Variants in MYO7B observed in about 807,000 individuals in gnomAD.
The protein encoded by MYO7B is unconventional myosin-VIIb.
A neutral mutation model predicts 259.7 loss-of-function variants in MYO7B; 212 were observed. The observed-to-expected ratio is 0.82, with a 90% CI of 0.73 to 0.91. The LOEUF is 0.91. Among genes scored for constraint, MYO7B ranks in the 40% least tolerant of loss-of-function variants. The pLI is 0.00. For missense variants in MYO7B, 2,732 were observed against 2,813.5 expected (o/e 0.97, Z 0.66); for synonymous variants, 1,197 against 1,166.4 (o/e 1.03, Z -0.54).
intron 19 of MYO7B, 41 bp downstream of exon 19, chr2:127,596,597 C>A: frequency 1.3e-6 from 2 of 1,500,196 alleles, no homozygotes; most frequent in Non-Finnish European, 1.8e-6. Context: ...CTACTCCTGC[C>A]CACAGTGTCC....
chr2:127,617,487 G>GTTTTTTTTTTTTT (rs35542480), intron 26 of MYO7B, among the ~76,000 whole-genome samples: 4 of 84,824 alleles, frequency 4.7e-5, no homozygotes, highest in African/African-American at 1.6e-4. Context: ...TTGTAACGGG[G>GTTTTTTTTTTTTT]TTTTTTTTTT....
intron 14 of MYO7B, among the ~76,000 whole-genome samples, chr2:127,587,573 T>C (rs1213677885): frequency 7.4e-5 from 11 of 148,866 alleles, no homozygotes; most frequent in East Asian, 3.9e-4. Context: ...TCTTTCTTTT[T>C]TTTTTTTTTT....
chr2:127,562,054 T>G (rs1478847492), intron 2 of MYO7B, among the ~76,000 whole-genome samples: 1 of 152,114 alleles, frequency 6.6e-6, no homozygotes, highest in Non-Finnish European at 1.5e-5. Flanking sequence ...TGCATGCATC[T>G]CACTCTGGTG....
At chr2:127,631,781 C>T (rs1413354454) in intron 38 of MYO7B, 28 bp downstream of exon 38, 7 of 1,605,734 alleles carry the variant, frequency 4.4e-6, no homozygotes, top group African/African-American at 4.0e-5. Context: ...CCAGCCCACG[C>T]GGGCACCCTC....
At chr2:127,540,797 G>A (rs1692975268) in intron 1 of MYO7B, among the ~76,000 whole-genome samples, 1 of 152,164 alleles carries the variant, frequency 6.6e-6, no homozygotes, top group African/African-American at 2.4e-5. Context: ...CTAAAATGAG[G>A]GAGGGTTTTT....
intron 19 of MYO7B, among the ~76,000 whole-genome samples, chr2:127,603,943 C>A (rs1680061827): frequency 6.7e-6 from 1 of 149,568 alleles, no homozygotes; most frequent in Non-Finnish European, 1.5e-5. Context: ...ACCAGCCTGG[C>A]CAATATGGTG....
chr2:127,566,814 T>A lies in MYO7B; in HGVS notation c.457T>A (p.Cys153Ser). The change falls in exon 5 of 48, where the codon TGC becomes AGC. Residue 153 changes from cysteine to serine, a missense_variant. Coordinates refer to ENST00000409816, the MANE Select transcript of MYO7B (RefSeq NM_001393586.1). ...CATGAAGAGGAACAAGAGGGACCAG[T>A]GCTGCATCATCAGGTGAGGCAGAGG... ...FSMKRNKRDQ[C>S]CIISGESGAG... 1.2e-6 allele frequency: 2 copies of A among 1,610,112 alleles called. No individual in the cohort carries two copies. Among genetic ancestry groups the A allele is most frequent in the Non-Finnish European group, 1.7e-6 (2 of 1,179,558 alleles).
intron 26 of MYO7B, among the ~76,000 whole-genome samples, chr2:127,619,712 A>AG (rs1217992530): frequency 1.3e-5 from 2 of 152,110 alleles, no homozygotes; most frequent in African/African-American, 2.4e-5. Context: ...ACTGAGTATT[A>AG]GGGGAAAGAT....
At chr2:127,616,910 T>C (rs1183636775) in intron 26 of MYO7B, among the ~76,000 whole-genome samples, 2 of 152,228 alleles carry the variant, frequency 1.3e-5, no homozygotes, top group Non-Finnish European at 2.9e-5. Context: ...CTTGGTGTTT[T>C]TCTGTTGGGA....
chr2:127,620,960 G>A (rs1437620195), intron 27 of MYO7B, among the ~76,000 whole-genome samples: 1 of 152,182 alleles, frequency 6.6e-6, no homozygotes, highest in African/African-American at 2.4e-5. Flanking sequence ...CAAAATAAAA[G>A]TCACCCCCAC....
rs375686505 is a variant in MYO7B at position 127,565,292 on chromosome 2, C to T, written c.192C>T (p.Val64=). The change falls in exon 4 of 48, where the codon GTC becomes GTT. Residue 64 remains valine, a synonymous_variant. Coordinates refer to ENST00000409816, the MANE Select transcript of MYO7B (RefSeq NM_001393586.1). ...TCAGTCCCATGCACCCCAACTCAGT[C>T]CAGGGTGTGGACGACATGATCCGCC... ...GVLSPMHPNS[V]QGVDDMIRLG... 124 of 1,613,908 alleles carry T rather than the reference C, an allele frequency of 7.7e-5. No individual in the cohort carries two copies. In the African/African-American group the frequency reaches 1.4e-3, roughly 18 times the overall value.
rs770674523 is a variant in MYO7B, at chr2:127,581,970, A to ACATT, written c.1161_1164dup (p.Ala389HisfsTer6). 2.5e-6 allele frequency: 4 copies of ACATT among 1,613,944 alleles called. No homozygotes were observed. The Admixed American group carries it at 6.7e-5, about 27-fold the overall frequency. On this transcript the variant is annotated frameshift_variant, in exon 11 of 48. Transcript: ENST00000409816. LOFTEE classifies it high-confidence loss of function. The stretch of plus-strand genomic sequence containing the variant: ...GGGGAATTTGTCACCAGGTCCCTGA[A>ACATT]CATTGCCCAGGCTGCTGACCGGAGG...
chr2:127,559,554 C>T lies in MYO7B; in HGVS notation c.-23-146C>T. 1 of 699,896 alleles carries T rather than the reference C, an allele frequency of 1.4e-6. No individual in the cohort carries two copies. The allele number at this position is 699,896 out of a possible 1,614,324, so 43.4% of individuals were successfully genotyped here. A position where few individuals can be genotyped will look rare whatever the true frequency, so the allele number is the denominator to read the frequency against. On this transcript the variant is annotated intron_variant, in intron 1 of 47. Transcript: ENST00000409816. The surrounding 1 kb of genome is among the most constrained non-coding windows in gnomAD (Gnocchi z 4.1). ...ACTTGGGCTAGGACTGTGACTCATTCATCCATTTATTCAGCATTGTTTTTG... is the reference window on the plus strand; with the variant it reads ...ACTTGGGCTAGGACTGTGACTCATTTATCCATTTATTCAGCATTGTTTTTG...
At position 127,630,768 on chromosome 2, in the gene MYO7B, C is replaced by G. The variant is rs768426579; in HGVS notation, c.4807-10C>G. 2 of 1,612,352 alleles carry G rather than the reference C, an allele frequency of 1.2e-6. No homozygotes were observed. The highest frequency in any genetic ancestry group is 1.1e-5 in the South Asian group (1 of 91,018). On this transcript the variant is annotated splice_polypyrimidine_tract_variant and intron_variant, in intron 35 of 47. Transcript: ENST00000409816. ...GCTCCTGGGCACCCACAGGCCTGTG[C>G]CCCCTTCAGAGCTTGCTTGCCATGT... is the stretch of plus-strand genomic sequence containing the variant.
chr2:127,634,777 C>T (rs1681709780), intron 42 of MYO7B, 94 bp downstream of exon 42: 24 of 1,188,168 alleles, frequency 2.0e-5, no homozygotes, highest in African/African-American at 4.6e-5. Context: ...ATTCATCCAT[C>T]CATTCGTTCC....
intron 2 of MYO7B, among the ~76,000 whole-genome samples, chr2:127,560,876 CCCCT>C (rs1438879980): frequency 1.3e-5 from 2 of 152,166 alleles, no homozygotes; most frequent in Non-Finnish European, 2.9e-5. Flanking sequence ...TACGCAGCGG[CCCCT>C]GGTGCTGCCA....
chr2:127,579,119 A>C (rs145487708), intron 9 of MYO7B, among the ~76,000 whole-genome samples: 7 of 152,278 alleles, frequency 4.6e-5, no homozygotes, highest in African/African-American at 1.4e-4. Context: ...TGAGTACAGC[A>C]TGGAGAGAGG....
rs190248791 is a variant in MYO7B, at chr2:127,609,855, C to T, written c.3031C>T (p.Leu1011=). 186 of 1,613,472 alleles carry T rather than the reference C, an allele frequency of 1.2e-4. No homozygotes were observed. The African/African-American group carries it at 2.2e-3, about 19-fold the overall frequency. ...TTCTGTCTTGTTTCCCCAGGCCGCC[C>T]TGGTCATATGGAACGTCATCCTGAG... ...HEDDTDCLAA[L]VIWNVILRFM... Residue 1011 remains leucine, a synonymous_variant, in exon 24 of 48, where the codon CTG becomes TTG. Transcript: ENST00000409816. This position sits in a 1 kb window ranked among gnomAD's most constrained non-coding sequence, Gnocchi z 6.9.
chr2:127,579,762 T>A (rs1223346800), intron 9 of MYO7B, among the ~76,000 whole-genome samples: 1 of 152,110 alleles, frequency 6.6e-6, no homozygotes, highest in Non-Finnish European at 1.5e-5. Flanking sequence ...AATTTTGTAT[T>A]TTTAGTAAAG....
Sources: gnomAD v4.1 joint callset for allele counts (sites outside exome capture counted in the v4.1 genomes callset) on GRCh38, gnomAD v4.1.1 for gene constraint, Gnocchi (gnomAD v3.1) non-coding constraint, MANE v1.5 for transcripts, NCBI Gene and HGNC (gene_info 2026-07-23, HGNC 2026-07-21) for gene names.